GCFC2: variants seen among roughly 807,000 people sequenced by gnomAD.
GCFC2 encodes the protein GC-rich sequence DNA-binding factor 2.
GCFC2 carries 102 observed loss-of-function variants against 99.4 expected under a neutral mutation model. That is an observed-to-expected ratio of 1.03 (90% CI 0.87 to 1.21). GCFC2 has a LOEUF of 1.21. GCFC2 is among the 50% of genes most tolerant of loss of function. The probability of loss-of-function intolerance (pLI) is 0.00; values close to 1 mark genes in which losing one functional copy is unlikely to be tolerated. For missense variants in GCFC2, 973 were observed against 920.9 expected (o/e 1.06, Z -0.73); for synonymous variants, 338 against 316.8 (o/e 1.07, Z -0.71).
chr2:75,707,948 CTT>C (rs1229528419), intron 1 of GCFC2, among the ~76,000 whole-genome samples: 3 of 152,094 alleles, frequency 2.0e-5, no homozygotes, highest in Admixed American at 6.5e-5. Context: ...AATTTTGACC[CTT>C]GAGTACACAT....
chr2:75,664,817 T>G (rs1339537764), intron 16 of GCFC2, 34 bp from the exon 17 acceptor site: 2 of 970,346 alleles, frequency 2.1e-6, no homozygotes, highest in Non-Finnish European at 3.3e-6. Context: ...CCTTTAAAAA[T>G]GCAATGTATG....
chr2:75,700,478 T>G (rs542919540), intron 4 of GCFC2, among the ~76,000 whole-genome samples: 1 of 152,124 alleles, frequency 6.6e-6, no homozygotes, highest in East Asian at 1.9e-4. Context: ...GAAGTAGATA[T>G]ACCATTGCGG....
At chr2:75,666,075 T>A in intron 15 of GCFC2, 22 bp from the exon 16 acceptor site, 1 of 1,582,150 alleles carries the variant, frequency 6.3e-7, no homozygotes, top group Non-Finnish European at 8.6e-7. Context: ...AACACATGGC[T>A]GGTTTACAAT....
At chr2:75,670,012 A>G in intron 15 of GCFC2, 126 bp downstream of exon 15, 1 of 586,414 alleles carries the variant, frequency 1.7e-6, no homozygotes, top group Non-Finnish European at 3.0e-6. Flanking sequence ...GGCATGAGCC[A>G]CTGTGCCTGG....
In GCFC2 at chr2:75,670,462, T is replaced by C. The variant is rs145532237; in HGVS notation, c.1957-178A>G. 2.9e-3 allele frequency: 1,367 copies of C among 471,980 alleles called. 2 individuals carry two copies. The highest frequency in any genetic ancestry group is 4.4e-3 in the Non-Finnish European group (1,141 of 261,060). 29.2% of individuals were successfully genotyped at this position (471,980 alleles called of 1,614,324 possible). A position where few individuals can be genotyped will look rare whatever the true frequency, so the allele number is the denominator to read the frequency against. ...TACTTGATTCTTTCCAAACTCCATGTATTTGCTCATCTTATTTTCATTTTC... is the reference window on the plus strand; with the variant it reads ...TACTTGATTCTTTCCAAACTCCATGCATTTGCTCATCTTATTTTCATTTTC... On this transcript the variant is annotated intron_variant, in intron 14 of 16. Coordinates refer to ENST00000321027, the MANE Select transcript of GCFC2 (RefSeq NM_003203.5).
chr2:75,702,019 A>G, intron 3 of GCFC2, 180 bp downstream of exon 3: 1 of 1,404,442 alleles, frequency 7.1e-7, no homozygotes, highest in South Asian at 1.7e-5. Flanking sequence ...ACTCCTTGAT[A>G]ATAACATTTT....
At chr2:75,686,257 T>A (rs1679810880) in intron 11 of GCFC2, among the ~76,000 whole-genome samples, 1 of 152,002 alleles carries the variant, frequency 6.6e-6, no homozygotes, top group Admixed American at 6.6e-5. Context: ...TTATTTTTTA[T>A]TTTTTTTAAA....
chr2:75,666,048 T>C lies in GCFC2; in HGVS notation c.2109A>G (p.Ala703=), dbSNP rs1312568911. 1 of 1,601,728 alleles carries C rather than the reference T, an allele frequency of 6.2e-7. No individual in the cohort carries two copies. The highest frequency in any genetic ancestry group is 1.1e-5 in the South Asian group (1 of 88,710). ...CAAACCATTTTTCTGGTAGACATGC[T>C]GCTACCTGTTAATCAAAACACATGG... is the stretch of plus-strand genomic sequence containing the variant. ...PDVVKKCNQV[A]ACLPEKWFEN... The change falls in exon 16 of 17, where the codon GCA becomes GCG. Residue 703 remains alanine (A), a synonymous_variant. Transcript: ENST00000321027.
In GCFC2 at chr2:75,686,141, T is replaced by TA. The variant is rs775203393; in HGVS notation, c.1690+1685dup. 8.1e-4 allele frequency among the ~76,000 whole-genome samples: 124 copies of TA among 152,338 alleles called. 1 individual carries two copies. In the Middle Eastern group the frequency reaches 0.01, roughly 13 times the overall value. Reference sequence around the variant, plus strand: ...GATTTTTTCAGCAGAGTGCTTAAACTAGGCACATGCATTCTATCATTAGTA... The same window carrying TA: ...GATTTTTTCAGCAGAGTGCTTAAACTAAGGCACATGCATTCTATCATTAGTA... On this transcript the variant is annotated intron_variant, in intron 11 of 16. Coordinates refer to ENST00000321027, the MANE Select transcript of GCFC2 (RefSeq NM_003203.5).
At chr2:75,668,374 A>AAAAC (rs1558729408) in intron 15 of GCFC2, among the ~76,000 whole-genome samples, 6 of 149,812 alleles carry the variant, frequency 4.0e-5, no homozygotes, top group African/African-American at 1.2e-4. Context: ...CAAAACAAAA[A>AAAAC]ACCAAATTGT....
chr2:75,664,808 C>G, intron 16 of GCFC2, 25 bp from the exon 17 acceptor site: 1 of 1,111,230 alleles, frequency 9.0e-7, no homozygotes. Context: ...AAATTTCTCC[C>G]TTTAAAAATG....
chr2:75,683,087 C>T (rs879550458), intron 11 of GCFC2, among the ~76,000 whole-genome samples: 4 of 151,732 alleles, frequency 2.6e-5, no homozygotes, highest in Admixed American at 1.3e-4. Context: ...TCAGGAAATA[C>T]AGAGAACACC....
intron 13 of GCFC2, among the ~76,000 whole-genome samples, chr2:75,673,186 T>G (rs1679194971): frequency 6.6e-6 from 1 of 151,876 alleles, no homozygotes; most frequent in Non-Finnish European, 1.5e-5. Context: ...GGCGGGCGCC[T>G]GTAGTCCCAG....
At chr2:75,673,103 G>C (rs996277915) in intron 13 of GCFC2, among the ~76,000 whole-genome samples, 1 of 152,160 alleles carries the variant, frequency 6.6e-6, no homozygotes, top group Non-Finnish European at 1.5e-5. Flanking sequence ...AAGGTCAGGA[G>C]ATCGAGACCA....
intron 12 of GCFC2, among the ~76,000 whole-genome samples, chr2:75,677,331 C>G (rs751096789): frequency 6.6e-6 from 1 of 152,214 alleles, no homozygotes; most frequent in African/African-American, 2.4e-5. Context: ...GAACCTCATT[C>G]TCTTTCATCA....
intron 9 of GCFC2, 88 bp from the exon 10 acceptor site, chr2:75,689,313 C>G (rs1679952003): frequency 3.0e-6 from 2 of 660,284 alleles, no homozygotes; most frequent in African/African-American, 1.9e-5. Flanking sequence ...GGACTGTAAT[C>G]AATTGAGCTA....
At chr2:75,697,355 T>G (rs1272488558) in intron 4 of GCFC2, among the ~76,000 whole-genome samples, 1 of 152,222 alleles carries the variant, frequency 6.6e-6, no homozygotes, top group South Asian at 2.1e-4. Flanking sequence ...TCACCAAGCC[T>G]CCCATCCAGC....
chr2:75,664,714 T>C lies in GCFC2; in HGVS notation c.2298A>G (p.Ile766Met). 6.4e-7 allele frequency: 1 copy of C among 1,564,736 alleles called. No individual in the cohort carries two copies. The highest frequency in any genetic ancestry group is 1.3e-5 in the African/African-American group (1 of 74,094). Residue 766 changes from isoleucine (I) to methionine (M), a missense_variant, in exon 17 of 17, where the codon ATA (isoleucine) becomes ATG (methionine). Physicochemically the swap from Ile to Met is conservative, Grantham distance 10. Transcript: ENST00000321027. ...TAAGATGGTCTAGGTGATGCTCTCCTATGAAGGATTCTGCTTGATTCAAAG... is the reference window on the plus strand; with the variant it reads ...TAAGATGGTCTAGGTGATGCTCTCCCATGAAGGATTCTGCTTGATTCAAAG... ...IKALNQAESF[I>M]GEHHLDHLKS... is the part of the protein sequence containing the mutation.
At chr2:75,670,348 C>T (rs988306306) in intron 14 of GCFC2, 64 bp from the exon 15 acceptor site, 3 of 1,170,030 alleles carry the variant, frequency 2.6e-6, no homozygotes, top group African/African-American at 3.0e-5. Context: ...TAGTCTCTAA[C>T]AAACATGAAG....
Sources: allele counts gnomAD v4.1 joint callset (sites outside exome capture counted in the v4.1 genomes callset), GRCh38; gene constraint gnomAD v4.1.1; transcripts MANE v1.5; gene names NCBI Gene and HGNC (gene_info 2026-07-23, HGNC 2026-07-21).